Variants in RAD51B observed in about 807,000 individuals in gnomAD.
RAD51B encodes RAD51 paralog B, also known as DNA repair protein RAD51 homolog 2.
Under a neutral mutation model 42.2 loss-of-function variants are expected in RAD51B, and 38 were observed. That is an observed-to-expected ratio of 0.90 (90% CI 0.70 to 1.18). The LOEUF (loss-of-function observed/expected upper bound fraction) is 1.18, where lower values mean the gene tolerates loss of function less well. Ranked by LOEUF, RAD51B falls within the 50% of genes most tolerant of loss-of-function variation. The pLI, the probability that RAD51B is intolerant of heterozygous loss-of-function variation, is 0.00. For missense variants in RAD51B, 373 were observed against 400.7 expected, an observed-to-expected ratio of 0.93 and a Z score of 0.59; for synonymous variants, 154 against 145.2, an observed-to-expected ratio of 1.06 and a Z score of -0.43.
chr14:68,439,911 A>G (rs1343072925), intron 9 of RAD51B, among the ~76,000 whole-genome samples: 1 of 152,156 alleles, frequency 6.6e-6, no homozygotes, highest in Non-Finnish European at 1.5e-5. Context: ...AAAGCATGGC[A>G]GGCTCCCACC....
At chr14:68,031,114 A>C (rs2076034013) in intron 7 of RAD51B, among the ~76,000 whole-genome samples, 1 of 152,228 alleles carries the variant, frequency 6.6e-6, no homozygotes, top group South Asian at 2.1e-4. Context: ...GGCAGTTTAC[A>C]AAAGAAAGAG....
intron 7 of RAD51B, among the ~76,000 whole-genome samples, chr14:68,177,602 G>A (rs2078985607): frequency 6.6e-6 from 1 of 152,058 alleles, no homozygotes; most frequent in South Asian, 2.1e-4. Context: ...ATTGGTGAGG[G>A]CGATGGAGGG....
rs796356164 is a variant in RAD51B, at chr14:68,602,506, C to CTAGCTAGATAGA, written c.1037-8497_1037-8496insCTAGATAGATAG. 2.3e-3 allele frequency among the ~76,000 whole-genome samples: 344 copies of CTAGCTAGATAGA among 149,022 alleles called. 1 individual carries two copies. The highest frequency in any genetic ancestry group is 7.1e-3 in the African/African-American group (287 of 40,524). ...GGATGGATGATGGATGGATGGATAG[C>CTAGCTAGATAGA]TAGATAGATAGCTAGCTAGATAGAT... On this transcript the variant is annotated intron_variant, in intron 10 of 10. Transcript: ENST00000487861.
chr14:67,925,534 G>T (rs2044476067), intron 7 of RAD51B, among the ~76,000 whole-genome samples: 1 of 152,138 alleles, frequency 6.6e-6, no homozygotes, highest in African/African-American at 2.4e-5. Context: ...GCCTCCCAAA[G>T]TGCTGGGATT....
intron 7 of RAD51B, among the ~76,000 whole-genome samples, chr14:67,956,028 A>G (rs1199381093): frequency 1.3e-5 from 2 of 152,186 alleles, no homozygotes; most frequent in Non-Finnish European, 2.9e-5. Context: ...ACTGTGGTGG[A>G]TACTCAGTTC....
At chr14:68,015,665 C>T (rs1030234637) in intron 7 of RAD51B, among the ~76,000 whole-genome samples, 11 of 152,136 alleles carry the variant, frequency 7.2e-5, no homozygotes, top group African/African-American at 2.7e-4. Context: ...AATTACCTCC[C>T]ACTGGGTCCC....
chr14:68,404,152 A>T (rs2084198357), intron 8 of RAD51B, among the ~76,000 whole-genome samples: 1 of 152,244 alleles, frequency 6.6e-6, no homozygotes, highest in Non-Finnish European at 1.5e-5. Context: ...ATCCTCAAAA[A>T]TGAAAATATT....
intron 10 of RAD51B, among the ~76,000 whole-genome samples, chr14:68,507,057 G>A (rs1365716149): frequency 6.6e-6 from 1 of 152,176 alleles, no homozygotes; most frequent in East Asian, 1.9e-4. Flanking sequence ...GGTGAGTTGA[G>A]GGAGAGTGTG....
At chr14:68,247,317 A>G (rs1042531177) in intron 7 of RAD51B, among the ~76,000 whole-genome samples, 3 of 152,188 alleles carry the variant, frequency 2.0e-5, no homozygotes, top group African/African-American at 7.2e-5. Flanking sequence ...TAGCTAGTCT[A>G]TCACGGATTT....
intron 8 of RAD51B, among the ~76,000 whole-genome samples, chr14:68,333,558 C>T (rs868448515): frequency 6.6e-6 from 1 of 152,276 alleles, no homozygotes. Context: ...CTTAGAGATA[C>T]CTTTGCTTCA....
intron 7 of RAD51B, among the ~76,000 whole-genome samples, chr14:68,258,429 ACACTCT>A (rs1566764764): frequency 6.8e-6 from 1 of 147,284 alleles, no homozygotes; most frequent in South Asian, 2.2e-4. Context: ...ACACACACAC[ACACTCT>A]CTCTCTCTCA....
chr14:68,296,901 T>G (rs2081624873), intron 8 of RAD51B, among the ~76,000 whole-genome samples: 1 of 152,188 alleles, frequency 6.6e-6, no homozygotes, highest in Non-Finnish European at 1.5e-5. Flanking sequence ...GTAAAATGTG[T>G]GGATAGGTCA....
At chr14:68,264,667 G>A (rs887795558) in intron 7 of RAD51B, among the ~76,000 whole-genome samples, 5 of 152,152 alleles carry the variant, frequency 3.3e-5, no homozygotes, top group Admixed American at 6.5e-5. Context: ...ATAGTTATAC[G>A]AAGTAGGAGG....
intron 9 of RAD51B, among the ~76,000 whole-genome samples, chr14:68,439,940 G>A (rs1045496483): frequency 3.9e-5 from 6 of 152,296 alleles, no homozygotes; most frequent in East Asian, 3.9e-4. Context: ...GGTTCATGTC[G>A]TAGAAGAGTT....
At chr14:68,621,322 G>A (rs1891943816) in intron 10 of RAD51B, among the ~76,000 whole-genome samples, 2 of 152,196 alleles carry the variant, frequency 1.3e-5, no homozygotes, top group South Asian at 4.1e-4. Context: ...TGATGCCCAA[G>A]GGTGCTGATG....
intron 7 of RAD51B, among the ~76,000 whole-genome samples, chr14:68,182,061 G>A (rs1352577716): frequency 6.6e-6 from 1 of 152,166 alleles, no homozygotes; most frequent in Non-Finnish European, 1.5e-5. Flanking sequence ...AGAATACAGT[G>A]GGTTAGGTGA....
In RAD51B at chr14:68,344,429, C is replaced by T. The variant is rs144527566; in HGVS notation, c.853+52449C>T. Among the ~76,000 whole-genome samples, 417 of 152,108 alleles carry T rather than the reference C, an allele frequency of 2.7e-3. 11 individuals carry two copies. The East Asian group carries it at 0.046, about 17-fold the overall frequency. The stretch of plus-strand genomic sequence containing the variant: ...TTGGGAGGCTGAGGTGGGTGGATCA[C>T]GAGGTCAGGAGATCAAGACCATCCT... On this transcript the variant is annotated intron_variant, in intron 8 of 10. Coordinates refer to ENST00000471583, the MANE Select transcript of RAD51B (RefSeq NM_133510.4).
rs912662162 is a variant in RAD51B at position 68,338,082 on chromosome 14, G to A, written c.853+46102G>A. On this transcript the variant is annotated intron_variant, in intron 8 of 10. Coordinates refer to ENST00000471583, the MANE Select transcript of RAD51B (RefSeq NM_133510.4). ...GCTGGGATTATAGTCATGAGCCACC[G>A]TGCCAGGCCCAAAAATCTTTTATTT... Among the ~76,000 whole-genome samples, 6 of 152,118 alleles carry A rather than the reference G, an allele frequency of 3.9e-5. No homozygotes were observed. In the East Asian group the frequency reaches 5.8e-4, roughly 15 times the overall value.
intron 10 of RAD51B, among the ~76,000 whole-genome samples, chr14:68,620,760 C>T (rs1043873566): frequency 2.0e-5 from 3 of 152,184 alleles, no homozygotes; most frequent in Non-Finnish European, 4.4e-5. Context: ...TGTTTCAGGT[C>T]CTCACCTGTC....
Sources: allele counts gnomAD v4.1 joint callset (sites outside exome capture counted in the v4.1 genomes callset), GRCh38; gene constraint gnomAD v4.1.1; transcripts MANE v1.5; gene names NCBI Gene and HGNC (gene_info 2026-07-23, HGNC 2026-07-21).